ZC3H4: variants seen among roughly 807,000 people sequenced by gnomAD.
ZC3H4 encodes the protein zinc finger CCCH domain-containing protein 4.
A neutral mutation model predicts 108.3 loss-of-function variants in ZC3H4; 13 were observed. That is an observed-to-expected ratio of 0.12 (90% CI 0.08 to 0.19). The LOEUF (loss-of-function observed/expected upper bound fraction) is 0.19. ZC3H4 is among the 10% of genes least tolerant of loss of function. The probability of loss-of-function intolerance (pLI) is 1.00; values close to 1 mark genes in which losing one functional copy is unlikely to be tolerated. For synonymous variants in ZC3H4, 917 were observed against 749.6 expected (o/e 1.22, Z -3.65); for missense variants, 1,734 against 1,838.8 (o/e 0.94, Z 1.04).
chr19:47,075,874 T>C (rs1420232222), intron 11 of ZC3H4, among the ~76,000 whole-genome samples: 3 of 152,104 alleles, frequency 2.0e-5, no homozygotes, highest in African/African-American at 7.2e-5. Flanking sequence ...AAACTGCCCA[T>C]CGGTCCTGCC....
rs2057630023 is a variant in ZC3H4 at position 47,086,541 on chromosome 19, G to A, written c.716-3C>T. The A allele has an allele frequency of 6.3e-7, 1 of 1,580,850 alleles. No individual in the cohort carries two copies. The highest frequency in any genetic ancestry group is 8.5e-7 in the Non-Finnish European group (1 of 1,171,550). ...GCCCCGGCCCCGGCCTCGGCTGCCT[G>A]CATGGAGATTCAGATAGTGAGCCTC... On this transcript the variant is annotated splice_polypyrimidine_tract_variant and splice_region_variant and intron_variant, in intron 5 of 14. Coordinates refer to ENST00000253048, the MANE Select transcript of ZC3H4 (RefSeq NM_015168.2).
In ZC3H4 at chr19:47,073,789, G is replaced by A. The variant is rs141603377; in HGVS notation, c.1441-1076C>T. ...CCTGCCCCTGCTGGACAGCTCCTGC[G>A]AACAGACTCATGCGCTGTGTGCGAT... On this transcript the variant is annotated intron_variant, in intron 11 of 14. Coordinates refer to ENST00000253048, the MANE Select transcript of ZC3H4 (RefSeq NM_015168.2). 3.9e-3 allele frequency among the ~76,000 whole-genome samples: 598 copies of A among 152,308 alleles called. 12 individuals are homozygous for A. In the East Asian group the frequency reaches 0.053, roughly 14 times the overall value.
chr19:47,088,911 C>CT (rs1600070166), intron 5 of ZC3H4, among the ~76,000 whole-genome samples: 1 of 151,904 alleles, frequency 6.6e-6, no homozygotes, highest in South Asian at 2.1e-4. Context: ...AGAAAGACTG[C>CT]TAGAAGAACC....
intron 2 of ZC3H4, among the ~76,000 whole-genome samples, chr19:47,108,984 T>A (rs1361803948): frequency 6.6e-6 from 1 of 152,202 alleles, no homozygotes; most frequent in South Asian, 2.1e-4. Context: ...CTAGGAGACT[T>A]TGATTTGCTT....
At chr19:47,082,364 G>T in intron 9 of ZC3H4, 69 bp from the exon 10 acceptor site, 2 of 1,187,468 alleles carry the variant, frequency 1.7e-6, no homozygotes, top group Non-Finnish European at 1.3e-6. Context: ...GTCTGCAAAG[G>T]GAAGAAATAC....
chr19:47,111,780 C>G (rs1444715297), intron 2 of ZC3H4, among the ~76,000 whole-genome samples: 5 of 151,744 alleles, frequency 3.3e-5, no homozygotes, highest in African/African-American at 4.8e-5. Flanking sequence ...CCCAAATGAC[C>G]CCCAATTACA....
rs760377692 is a variant in ZC3H4, at chr19:47,112,525, CGATGGCGGCGGCGGCGACTCT to C, written c.39_59del (p.Glu14_Ser20del). On this transcript the variant is annotated inframe_deletion, in exon 2 of 15. Transcript: ENST00000253048. ...GCGAAGGCGTTGATGGCGGCGGCGG[CGATGGCGGCGGCGGCGACTCT>C]GATGGCGGCGGCGGGGGGGTCCCGG... The C allele has an allele frequency of 9.5e-5, 102 of 1,070,876 alleles. No individual in the cohort carries two copies. Among genetic ancestry groups the C allele is most frequent in the East Asian group, 2.6e-4 (8 of 31,130 alleles). 66.3% of individuals were successfully genotyped at this position (1,070,876 alleles called of 1,614,324 possible). A position where few individuals can be genotyped will look rare whatever the true frequency, so the allele number is the denominator to read the frequency against.
intron 2 of ZC3H4, among the ~76,000 whole-genome samples, chr19:47,102,797 C>G (rs925889425): frequency 3.3e-5 from 5 of 151,900 alleles, no homozygotes; most frequent in Non-Finnish European, 5.9e-5. Flanking sequence ...AGGACTCATC[C>G]CAACACAAAG....
rs573711849 is a variant in ZC3H4 at position 47,084,372 on chromosome 19, C to T, written c.1191G>A (p.Lys397=). ...AGGTGCAGCGCCCTTCCACGAAGTA[C>T]TTGCAAATGACTTTGCCTTTCTTGT... ...QSDKKGKVIC[K]YFVEGRCTWG... Residue 397 remains lysine, a synonymous_variant, in exon 9 of 15, where the codon AAG becomes AAA. Coordinates refer to ENST00000253048, the MANE Select transcript of ZC3H4 (RefSeq NM_015168.2). 1.2e-6 allele frequency: 2 copies of T among 1,614,256 alleles called. No individual in the cohort carries two copies. The highest frequency in any genetic ancestry group is 1.6e-4 in the Middle Eastern group (1 of 6,062).
chr19:47,101,868 GAAA>G (rs754543267), intron 2 of ZC3H4, among the ~76,000 whole-genome samples: 2 of 127,122 alleles, frequency 1.6e-5, no homozygotes, highest in Non-Finnish European at 1.7e-5. Context: ...ACTCTGTCTC[GAAA>G]AAAAAAAAAA....
In ZC3H4 at chr19:47,069,312, C is replaced by T. The variant is rs113113003; in HGVS notation, c.2178G>A (p.Gly726=). 1.2e-6 allele frequency: 2 copies of T among 1,613,604 alleles called. No individual in the cohort carries two copies. Among genetic ancestry groups the T allele is most frequent in the Non-Finnish European group, 1.7e-6 (2 of 1,179,792 alleles). ...EDYGHYEELP[G]EPGEHLFPEH... ...CAGGGAAGAGGTGCTCCCCAGGCTCCCCTGGCAGCTCTTCGTAGTGCCCGT... is the reference window on the plus strand; with the variant it reads ...CAGGGAAGAGGTGCTCCCCAGGCTCTCCTGGCAGCTCTTCGTAGTGCCCGT... The change falls in exon 14 of 15, where the codon GGG becomes GGA. Residue 726 remains glycine (G), a synonymous_variant. Coordinates refer to ENST00000253048, the MANE Select transcript of ZC3H4 (RefSeq NM_015168.2).
At chr19:47,073,381 C>T (rs1424665162) in intron 11 of ZC3H4, among the ~76,000 whole-genome samples, 1 of 152,008 alleles carries the variant, frequency 6.6e-6, no homozygotes, top group Non-Finnish European at 1.5e-5. Context: ...GCCAGCCTGG[C>T]CAACATGGTG....
At position 47,067,858 on chromosome 19, in the gene ZC3H4, T is replaced by C; in HGVS notation, c.2410A>G (p.Asn804Asp). 6.3e-7 allele frequency: 1 copy of C among 1,594,292 alleles called. No individual in the cohort carries two copies. The highest frequency in any genetic ancestry group is 8.5e-7 in the Non-Finnish European group (1 of 1,172,012). The change falls in exon 15 of 15, where the codon AAC (asparagine) becomes GAC (aspartate). Residue 804 changes from asparagine to aspartate, a missense_variant. Physicochemically the swap from Asn to Asp is conservative, Grantham distance 23. Around this residue, in one of 9 missense-constraint regions of ZC3H4, gnomAD observed 540 missense variants for 484.1 expected, o/e 1.12. Transcript: ENST00000253048. This position sits in a 1 kb window ranked among gnomAD's most constrained non-coding sequence, Gnocchi z 6.4. ...TCATCCTCATCACTTGAGTACCAGT[T>C]TCCGGTGTCACCTGGGAAAGAACAG... ...DRENEEGDTG[N>D]WYSSDEDEGG...
intron 2 of ZC3H4, among the ~76,000 whole-genome samples, chr19:47,106,304 A>G (rs979400271): frequency 4.6e-5 from 7 of 152,224 alleles, no homozygotes; most frequent in African/African-American, 1.4e-4. Context: ...GCACCCAGGC[A>G]GACATGGTGG....
At position 47,084,326 on chromosome 19, in the gene ZC3H4, A is replaced by G. The variant is rs1340285215; in HGVS notation, c.1218+19T>C. 1 of 1,613,240 alleles carries G rather than the reference A, an allele frequency of 6.2e-7. No homozygotes were observed. The highest frequency in any genetic ancestry group is 2.2e-5 in the East Asian group (1 of 44,854). Reference sequence around the variant, plus strand: ...GGGCTATGGCCTCCTAGAGGTGCCCAGCTTTCAGCGCTCCTTACCCAGGTG... The same window carrying G: ...GGGCTATGGCCTCCTAGAGGTGCCCGGCTTTCAGCGCTCCTTACCCAGGTG... On this transcript the variant is annotated intron_variant, in intron 9 of 14. Transcript: ENST00000253048.
chr19:47,109,939 T>C (rs933424158), intron 2 of ZC3H4, among the ~76,000 whole-genome samples: 5 of 152,168 alleles, frequency 3.3e-5, no homozygotes, highest in African/African-American at 1.2e-4. Flanking sequence ...TTTTCCTTGT[T>C]ACGTGGAGGC....
intron 14 of ZC3H4, 139 bp downstream of exon 14, chr19:47,068,952 GC>G: frequency 2.0e-6 from 3 of 1,509,264 alleles, no homozygotes; most frequent in Non-Finnish European, 2.6e-6. Flanking sequence ...CCCCAGCCCG[GC>G]TTCATGGCCC....
At chr19:47,113,076 G>A (rs1314007172) in intron 1 of ZC3H4, among the ~76,000 whole-genome samples, 1 of 152,258 alleles carries the variant, frequency 6.6e-6, no homozygotes, top group Non-Finnish European at 1.5e-5. Flanking sequence ...TGGGTGCCCC[G>A]GCTGCCCGGC....
At chr19:47,077,276 C>G (rs902480041) in intron 11 of ZC3H4, among the ~76,000 whole-genome samples, 3 of 151,878 alleles carry the variant, frequency 2.0e-5, no homozygotes, top group African/African-American at 7.3e-5. Context: ...CGAGACCAGC[C>G]TGGCTAACAT....
Sources: gnomAD v4.1 joint callset for allele counts (sites outside exome capture counted in the v4.1 genomes callset) on GRCh38, gnomAD v4.1.1 for gene constraint, gnomAD v4.1.1 regional missense constraint, Gnocchi (gnomAD v3.1) non-coding constraint, MANE v1.5 for transcripts, NCBI Gene and HGNC (gene_info 2026-07-23, HGNC 2026-07-21) for gene names.